The following IQSEC1 variants were observed in gnomAD, a reference collection of about 807,000 sequenced individuals.
IQSEC1 encodes IQ motif and SEC7 domain-containing protein 1.
Under a neutral mutation model 91.0 loss-of-function variants are expected in IQSEC1, and 31 were observed. That is an observed-to-expected ratio of 0.34 (90% CI 0.26 to 0.46). The LOEUF (loss-of-function observed/expected upper bound fraction) is 0.46, where lower values mean the gene tolerates loss of function less well. IQSEC1 is among the 20% of genes least tolerant of loss of function. The pLI is 1.00. For missense variants in IQSEC1, 1,388 were observed against 1,575.6 expected (o/e 0.88, Z 2.02); for synonymous variants, 699 against 662.6 (o/e 1.05, Z -0.84).
intron 2 of IQSEC1, among the ~76,000 whole-genome samples, chr3:13,101,793 G>T (rs1414710812): frequency 6.6e-6 from 1 of 152,086 alleles, no homozygotes; most frequent in Non-Finnish European, 1.5e-5. Flanking sequence ...TAAATTTGGG[G>T]CCATCTTTCA....
Position 12,909,342 on chromosome 3 carries a change from T to G in IQSEC1, c.2509A>C (p.Lys837Gln), listed in dbSNP as rs369092436. ...NFNAPNPQDRKKFTDDLRESI... is the reference protein window; with the variant it reads ...NFNAPNPQDRQKFTDDLRESI... The stretch of plus-strand genomic sequence containing the variant: ...TCCCGCAGGTCATCGGTGAATTTCT[T>G]CCGGTCTTGAGGGTTGGGGGCGTTG... The change falls in exon 11 of 14, where the codon AAG (lysine) becomes CAG (glutamine). Residue 837 changes from lysine to glutamine, a missense_variant. By Grantham distance (53) the Lys-to-Gln change is moderately conservative. Coordinates refer to ENST00000613206, the MANE Select transcript of IQSEC1 (RefSeq NM_001134382.3). This position sits in a 1 kb window ranked among gnomAD's most constrained non-coding sequence, Gnocchi z 4.9. 1.9e-6 allele frequency: 3 copies of G among 1,614,120 alleles called. No homozygotes were observed. Among genetic ancestry groups the G allele is most frequent in the Non-Finnish European group, 2.5e-6 (3 of 1,180,050 alleles).
intron 3 of IQSEC1, among the ~76,000 whole-genome samples, chr3:12,930,178 G>C (rs1345124557): frequency 6.6e-6 from 1 of 151,918 alleles, no homozygotes; most frequent in South Asian, 2.1e-4. Flanking sequence ...TCCAGGAAAG[G>C]GTTCTCTCTC....
At chr3:13,002,671 G>T (rs1338416006) in intron 1 of IQSEC1, among the ~76,000 whole-genome samples, 1 of 152,166 alleles carries the variant, frequency 6.6e-6, no homozygotes. Flanking sequence ...TTTTTAAATG[G>T]GCAAAAGGTT....
rs528136588 is a variant in IQSEC1 at position 12,979,573 on chromosome 3, C to A, written c.24-37708G>T. On this transcript the variant is annotated intron_variant, in intron 1 of 13. Transcript: ENST00000613206. This position sits in a 1 kb window ranked among gnomAD's most constrained non-coding sequence, Gnocchi z 4.3. ...GGGAGGGGAATGGGACGTGGAAGGG[C>A]GTGGCGCATAGCTCACTGTGTACCC... Among the ~76,000 whole-genome samples the A allele has an allele frequency of 6.6e-6, 1 of 152,174 alleles. No homozygotes were observed. Among genetic ancestry groups the A allele is most frequent in the African/African-American group, 2.4e-5 (1 of 41,430 alleles).
chr3:13,013,052 C>A (rs1559718792), intron 1 of IQSEC1, among the ~76,000 whole-genome samples: 1 of 150,216 alleles, frequency 6.7e-6, no homozygotes, highest in Non-Finnish European at 1.5e-5. Context: ...CCTCTGCCTC[C>A]CAGGTTCAAG....
intron 13 of IQSEC1, 93 bp downstream of exon 13, chr3:12,902,680 A>ACC: frequency 1.6e-6 from 1 of 623,084 alleles, no homozygotes; most frequent in South Asian, 2.4e-5. Context: ...CAAAAAAAAA[A>ACC]AAAAAAAAAA....
At chr3:13,089,382 C>A (rs930136008) in intron 2 of IQSEC1, among the ~76,000 whole-genome samples, 6 of 152,164 alleles carry the variant, frequency 3.9e-5, no homozygotes, top group African/African-American at 1.2e-4. Context: ...GAGTTTGATA[C>A]CATACTGGGC....
chr3:12,973,211 G>A (rs1700991109), intron 1 of IQSEC1, among the ~76,000 whole-genome samples: 1 of 152,158 alleles, frequency 6.6e-6, no homozygotes, highest in Non-Finnish European at 1.5e-5. Flanking sequence ...GCTCCTGCCT[G>A]TCTTTTCAGC....
chr3:12,938,042 C>A (rs1476224078), intron 2 of IQSEC1, among the ~76,000 whole-genome samples: 1 of 152,214 alleles, frequency 6.6e-6, no homozygotes, highest in African/African-American at 2.4e-5. Flanking sequence ...GAGGGCCACT[C>A]CCTGCACCTT....
chr3:13,261,193 C>T (rs1376898599), intron 1 of IQSEC1, among the ~76,000 whole-genome samples: 1 of 152,224 alleles, frequency 6.6e-6, no homozygotes, highest in African/African-American at 2.4e-5. Flanking sequence ...GCCAGGAGTG[C>T]TGGCTGCTGA....
At chr3:12,907,877 T>C (rs1458293642) in intron 12 of IQSEC1, among the ~76,000 whole-genome samples, 3 of 152,152 alleles carry the variant, frequency 2.0e-5, no homozygotes, top group Non-Finnish European at 4.4e-5. Flanking sequence ...GGCCCGGGTT[T>C]CCCAGGAGAG....
Position 12,900,735 on chromosome 3 carries a change from C to T in IQSEC1, c.*248G>A, listed in dbSNP as rs1338286237. 2 of 1,414,718 alleles carry T rather than the reference C, an allele frequency of 1.4e-6. No individual in the cohort carries two copies. Among genetic ancestry groups the T allele is most frequent in the African/African-American group, 2.9e-5 (2 of 69,192 alleles). 87.6% of individuals were successfully genotyped at this position (1,414,718 alleles called of 1,614,324 possible). The stretch of plus-strand genomic sequence containing the variant: ...CTCACCGTTTCAAGGCTGATGGTGT[C>T]TGAGGCCCACCCATCCCTCAGACTG... On this transcript the variant is annotated 3_prime_UTR_variant, in exon 14 of 14. Coordinates refer to ENST00000613206, the MANE Select transcript of IQSEC1 (RefSeq NM_001134382.3).
chr3:13,113,343 T>C (rs546229310), intron 2 of IQSEC1, among the ~76,000 whole-genome samples: 10 of 152,338 alleles, frequency 6.6e-5, no homozygotes, highest in African/African-American at 2.2e-4. Flanking sequence ...CTGAGGCCAA[T>C]CTGCTCACCC....
At chr3:13,168,177 A>G (rs139812088) in intron 1 of IQSEC1, among the ~76,000 whole-genome samples, 1 of 152,344 alleles carries the variant, frequency 6.6e-6, no homozygotes, top group East Asian at 1.9e-4. Flanking sequence ...CAAACTAGAA[A>G]GAGCAGATTC....
At position 12,911,586 on chromosome 3, in the gene IQSEC1, TGGGACATGCGCTCTTCCAGGCAG is replaced by T; in HGVS notation, c.2416+20_2416+42del. 1.4e-6 allele frequency: 2 copies of T among 1,414,948 alleles called. No homozygotes were observed. Among genetic ancestry groups the T allele is most frequent in the Non-Finnish European group, 2.0e-6 (2 of 999,650 alleles). The allele number at this position is 1,414,948 out of a possible 1,614,324, so 87.6% of individuals were successfully genotyped here. On this transcript the variant is annotated intron_variant, in intron 10 of 13. Coordinates refer to ENST00000613206, the MANE Select transcript of IQSEC1 (RefSeq NM_001134382.3). ...AGCAGCCAGGAGAAAGAGCGTAAGC[TGGGACATGCGCTCTTCCAGGCAG>T]GCCCTGGGGGCAGACTTACACTGGT...
chr3:13,191,769 T>C (rs1388502534), intron 1 of IQSEC1, among the ~76,000 whole-genome samples: 4 of 152,244 alleles, frequency 2.6e-5, no homozygotes, highest in African/African-American at 9.6e-5. Flanking sequence ...TCTTTGATAA[T>C]TTCCTTCGCT....
chr3:13,216,488 C>T lies in IQSEC1; in HGVS notation c.273-52355G>A, dbSNP rs369029195. On this transcript the variant is annotated intron_variant, in intron 1 of 15. Coordinates refer to the IQSEC1 transcript ENST00000648114. ...GACACACCCAGGGCTAGCAGAGCGA[C>T]GAGCTGTCCACTCCCTGGACCTAAG... Among the ~76,000 whole-genome samples, 13 of 152,252 alleles carry T rather than the reference C, an allele frequency of 8.5e-5. 1 individual carries two copies. In the South Asian group the frequency reaches 1.0e-3, roughly 12 times the overall value.
intron 1 of IQSEC1, among the ~76,000 whole-genome samples, chr3:13,043,813 G>A (rs1704381948): frequency 6.6e-6 from 1 of 152,170 alleles, no homozygotes; most frequent in South Asian, 2.1e-4. Context: ...TGGCCGCTTT[G>A]GGGCCCAGGT....
rs916570727 is a variant in IQSEC1, at chr3:13,282,087, C to A, written c.272+624G>T. 2.0e-5 allele frequency among the ~76,000 whole-genome samples: 3 copies of A among 152,328 alleles called. No individual in the cohort carries two copies. The highest frequency in any genetic ancestry group is 4.4e-5 in the Non-Finnish European group (3 of 68,012). The stretch of plus-strand genomic sequence containing the variant: ...AGCCCCGCCCTGTACCTCTCCCCAT[C>A]CCTCACTTAATCCTGGGTCCGAAAT... On this transcript the variant is annotated intron_variant, in intron 1 of 15. Coordinates refer to the IQSEC1 transcript ENST00000648114. The surrounding 1 kb of genome is among the most constrained non-coding windows in gnomAD (Gnocchi z 6.4).
Sources: allele counts gnomAD v4.1 joint callset (sites outside exome capture counted in the v4.1 genomes callset), GRCh38; gene constraint gnomAD v4.1.1; non-coding constraint Gnocchi (gnomAD v3.1); transcripts MANE v1.5; gene names NCBI Gene and HGNC (gene_info 2026-07-23, HGNC 2026-07-21).